Variants in PCDHA3 observed in about 807,000 individuals in gnomAD.
The protein encoded by PCDHA3 is protocadherin alpha-3.
PCDHA3 carries 41 observed loss-of-function variants against 62.2 expected under a neutral mutation model. That is an observed-to-expected ratio of 0.66 (90% CI 0.51 to 0.86). PCDHA3 has a LOEUF of 0.86. Ranked by LOEUF, PCDHA3 falls within the 40% of genes least tolerant of loss-of-function variation. PCDHA3 has a pLI of 0.00. For synonymous variants in PCDHA3, 640 were observed against 555.4 expected, an observed-to-expected ratio of 1.15 and a Z score of -2.14; for missense variants, 1,304 against 1,241.2, an observed-to-expected ratio of 1.05 and a Z score of -0.76.
At chr5:140,869,850 G>A in intron 1 of PCDHA3, 1 of 1,610,774 alleles carries the variant, frequency 6.2e-7, no homozygotes, top group South Asian at 1.1e-5. Flanking sequence ...AATATAAGGT[G>A]AGCCTTATGG....
intron 3 of PCDHA3, among the ~76,000 whole-genome samples, chr5:140,984,164 A>T (rs1471799520): frequency 6.6e-6 from 1 of 152,208 alleles, no homozygotes; most frequent in African/African-American, 2.4e-5. Flanking sequence ...GAACTTCCCA[A>T]AGAAGCCACG....
intron 1 of PCDHA3, among the ~76,000 whole-genome samples, chr5:140,907,596 G>A (rs1554193068): frequency 2.0e-5 from 3 of 152,214 alleles, no homozygotes; most frequent in African/African-American, 7.2e-5. Flanking sequence ...ATCACCCTGA[G>A]GAATGGTGCC....
At chr5:140,995,317 C>T (rs1554254587) in intron 3 of PCDHA3, among the ~76,000 whole-genome samples, 1 of 152,118 alleles carries the variant, frequency 6.6e-6, no homozygotes, top group Non-Finnish European at 1.5e-5. Flanking sequence ...TCTAAGTGAA[C>T]TAACAGGTGA....
At chr5:140,856,185 G>T (rs1554148335) in intron 1 of PCDHA3, 1 of 1,598,044 alleles carries the variant, frequency 6.3e-7, no homozygotes, top group Non-Finnish European at 8.6e-7. Context: ...TTCGTGGGCC[G>T]CATCGCGCAG....
At chr5:140,926,782 C>G in intron 1 of PCDHA3, 1 of 1,403,504 alleles carries the variant, frequency 7.1e-7, no homozygotes, top group Non-Finnish European at 9.3e-7. Context: ...GCAGTGACGG[C>G]CGGCAGGAGC....
chr5:140,950,526 T>C (rs190195358), intron 1 of PCDHA3, among the ~76,000 whole-genome samples: 17 of 152,212 alleles, frequency 1.1e-4, no homozygotes, highest in Admixed American at 9.2e-4. Flanking sequence ...GATATGATTG[T>C]TTTTGTTGCT....
At chr5:140,819,633 A>G (rs2150104769) in intron 1 of PCDHA3, among the ~76,000 whole-genome samples, 2 of 152,208 alleles carry the variant, frequency 1.3e-5, no homozygotes, top group South Asian at 4.1e-4. Context: ...TGGATAATCT[A>G]TAGTTACTGA....
chr5:141,005,714 A>AAG (rs2098233543), intron 3 of PCDHA3, among the ~76,000 whole-genome samples: 1 of 148,328 alleles, frequency 6.7e-6, no homozygotes, highest in Non-Finnish European at 1.5e-5. Flanking sequence ...AAAAAAAAAA[A>AAG]AAAAAAAAAA....
At chr5:140,887,108 T>A (rs2061306818) in intron 1 of PCDHA3, among the ~76,000 whole-genome samples, 1 of 152,084 alleles carries the variant, frequency 6.6e-6, no homozygotes, top group Non-Finnish European at 1.5e-5. Context: ...TCTCTTTTTT[T>A]TTTTTTGAGA....
At chr5:140,841,556 C>A (rs2150318181) in intron 1 of PCDHA3, 1 of 1,613,884 alleles carries the variant, frequency 6.2e-7, no homozygotes, top group South Asian at 1.1e-5. Flanking sequence ...GGAGGTAAGT[C>A]TGCAGAATGG....
intron 1 of PCDHA3, chr5:140,836,303 G>C: frequency 6.2e-7 from 1 of 1,613,706 alleles, no homozygotes; most frequent in East Asian, 2.2e-5. Flanking sequence ...TAGATGAGAC[G>C]GACGCACCGC....
At chr5:140,873,653 C>A (rs2054406845) in intron 1 of PCDHA3, among the ~76,000 whole-genome samples, 1 of 152,104 alleles carries the variant, frequency 6.6e-6, no homozygotes, top group Non-Finnish European at 1.5e-5. Context: ...AACTACATAA[C>A]ACACTATTAT....
intron 3 of PCDHA3, among the ~76,000 whole-genome samples, chr5:140,997,668 T>G (rs2097778117): frequency 6.7e-6 from 1 of 148,344 alleles, no homozygotes; most frequent in African/African-American, 2.5e-5. Flanking sequence ...ATTATACAGC[T>G]TGTGTGTGTG....
chr5:140,928,478 A>G (rs1554205922), intron 1 of PCDHA3: 1 of 1,614,132 alleles, frequency 6.2e-7, no homozygotes, highest in East Asian at 2.2e-5. Context: ...GAAGGCCGGG[A>G]TGGTGGCATT....
chr5:140,804,943 C>G, intron 1 of PCDHA3: 2 of 1,240,972 alleles, frequency 1.6e-6, no homozygotes, highest in Non-Finnish European at 2.1e-6. Context: ...TTTGTTGCTC[C>G]CTTGTCCATG....
chr5:140,938,385 A>G (rs952402645), intron 1 of PCDHA3, among the ~76,000 whole-genome samples: 8 of 152,202 alleles, frequency 5.3e-5, no homozygotes, highest in Admixed American at 2.6e-4. Flanking sequence ...TAAATATTTA[A>G]TATGAAATAC....
intron 1 of PCDHA3, among the ~76,000 whole-genome samples, chr5:140,874,611 C>T (rs1274309771): frequency 6.6e-6 from 1 of 152,220 alleles, no homozygotes; most frequent in African/African-American, 2.4e-5. Flanking sequence ...GAGGCTTCAA[C>T]TAAACATTTT....
intron 1 of PCDHA3, among the ~76,000 whole-genome samples, chr5:140,837,632 C>CCTTCCTTT (rs562891235): frequency 2.0e-5 from 3 of 151,106 alleles, no homozygotes; most frequent in Non-Finnish European, 4.4e-5. Flanking sequence ...TTCCTTCCTT[C>CCTTCCTTT]CTTTCTTTCT....
chr5:140,875,378 T>C (rs758524366), intron 1 of PCDHA3: 85 of 1,458,484 alleles, frequency 5.8e-5, no homozygotes, highest in Non-Finnish European at 7.4e-5. Context: ...TTACTAAATA[T>C]GTACTTACAG....
Sources: gnomAD v4.1 joint callset for allele counts (sites outside exome capture counted in the v4.1 genomes callset) on GRCh38, gnomAD v4.1.1 for gene constraint, MANE v1.5 for transcripts, NCBI Gene and HGNC (gene_info 2026-07-23, HGNC 2026-07-21) for gene names.